DLGAP2: variants seen among roughly 807,000 people sequenced by gnomAD.
The protein encoded by DLGAP2 is DLG associated protein 2.
Under a neutral mutation model 100.3 loss-of-function variants are expected in DLGAP2, and 26 were observed. The observed-to-expected ratio is 0.26, with a 90% confidence interval of 0.19 to 0.36. The LOEUF (loss-of-function observed/expected upper bound fraction) is 0.36, where lower values mean the gene tolerates loss of function less well. Ranked by LOEUF, DLGAP2 falls within the 10% of genes least tolerant of loss-of-function variation. The pLI, the probability that DLGAP2 is intolerant of heterozygous loss-of-function variation, is 1.00. For synonymous variants in DLGAP2, 886 were observed against 630.1 expected, an observed-to-expected ratio of 1.41 and a Z score of -6.08; for missense variants, 1,858 against 1,453.2, an observed-to-expected ratio of 1.28 and a Z score of -4.53.
chr8:1,292,945 G>A (rs1433739964), intron 3 of DLGAP2, among the ~76,000 whole-genome samples: 1 of 152,090 alleles, frequency 6.6e-6, no homozygotes, highest in Non-Finnish European at 1.5e-5. Flanking sequence ...CCTGCATTAG[G>A]ACCCTGGGCG....
chr8:753,046 C>G (rs1820832043), intron 1 of DLGAP2, among the ~76,000 whole-genome samples: 1 of 152,192 alleles, frequency 6.6e-6, no homozygotes, highest in Admixed American at 6.5e-5. Context: ...TGTCTTTTAA[C>G]TTGGTGTATT....
chr8:1,589,933 A>G (rs556094814), intron 6 of DLGAP2, among the ~76,000 whole-genome samples: 41 of 152,300 alleles, frequency 2.7e-4, no homozygotes, highest in African/African-American at 9.4e-4. Context: ...ACAAAGTACC[A>G]CACACAGCGT....
intron 3 of DLGAP2, among the ~76,000 whole-genome samples, chr8:1,388,036 A>C (rs987794821): frequency 3.9e-5 from 6 of 152,252 alleles, no homozygotes; most frequent in Admixed American, 3.3e-4. Flanking sequence ...ACGTGGATGC[A>C]GCCAGTGCGT....
intron 2 of DLGAP2, among the ~76,000 whole-genome samples, chr8:1,052,187 C>T (rs1292920930): frequency 2.0e-5 from 3 of 152,180 alleles, no homozygotes; most frequent in African/African-American, 7.2e-5. Context: ...CCTTCCTGGG[C>T]CTGCCTCTGA....
intron 3 of DLGAP2, among the ~76,000 whole-genome samples, chr8:1,321,574 C>T (rs1201420551): frequency 2.0e-5 from 3 of 152,212 alleles, no homozygotes; most frequent in African/African-American, 7.2e-5. Context: ...TCCTCCACAG[C>T]TCACAGGAAT....
At chr8:1,087,859 A>C (rs2129040836) in intron 2 of DLGAP2, among the ~76,000 whole-genome samples, 1 of 152,280 alleles carries the variant, frequency 6.6e-6, no homozygotes, top group African/African-American at 2.4e-5. Flanking sequence ...CACAGTGCAA[A>C]GCTCTGGATC....
chr8:1,683,289 G>A (rs1443800690), intron 12 of DLGAP2, among the ~76,000 whole-genome samples: 1 of 151,560 alleles, frequency 6.6e-6, no homozygotes, highest in Non-Finnish European at 1.5e-5. Context: ...TCAAGGTGGT[G>A]GATGGTGGTG....
intron 1 of DLGAP2, among the ~76,000 whole-genome samples, chr8:887,425 T>G (rs2128994842): frequency 6.6e-6 from 1 of 152,310 alleles, no homozygotes; most frequent in Middle Eastern, 3.4e-3. Context: ...ATGATACTAT[T>G]TGGTTATTTT....
At chr8:1,106,762 A>T (rs1406021473) in intron 2 of DLGAP2, among the ~76,000 whole-genome samples, 1 of 151,828 alleles carries the variant, frequency 6.6e-6, no homozygotes, top group Non-Finnish European at 1.5e-5. Context: ...GAAGGGAGCC[A>T]TTCTAGGAGG....
At chr8:956,761 C>G (rs1799607196) in intron 2 of DLGAP2, among the ~76,000 whole-genome samples, 1 of 152,208 alleles carries the variant, frequency 6.6e-6, no homozygotes, top group Non-Finnish European at 1.5e-5. Context: ...TGAGGTCTAA[C>G]CATGATTCAG....
chr8:1,448,767 C>T (rs1002608858), intron 3 of DLGAP2, among the ~76,000 whole-genome samples: 4 of 152,132 alleles, frequency 2.6e-5, no homozygotes, highest in South Asian at 2.1e-4. Context: ...TCTGCATTCC[C>T]GTTCCCCTCA....
At chr8:1,010,687 G>C (rs1397197879) in intron 2 of DLGAP2, among the ~76,000 whole-genome samples, 2 of 152,228 alleles carry the variant, frequency 1.3e-5, no homozygotes, top group African/African-American at 4.8e-5. Context: ...TGTCATTTCA[G>C]GAACCTAAGA....
rs1299212463 is a variant in DLGAP2, at chr8:1,703,601, C to G, written c.*2195C>G. On this transcript the variant is annotated 3_prime_UTR_variant, in exon 15 of 15. Transcript: ENST00000637795. ...TAATGTGGATAAAGGCCCGCCACCT[C>G]CTCACATTGGTCTATCTACTGGCAG... The G allele has an allele frequency of 6.6e-6, 1 of 152,212 alleles. No individual in the cohort carries two copies. Among genetic ancestry groups the G allele is most frequent in the Non-Finnish European group, 1.5e-5 (1 of 68,034 alleles). 9.4% of individuals were successfully genotyped at this position (152,212 alleles called of 1,614,324 possible).
chr8:866,792 C>G (rs907601354), intron 1 of DLGAP2, among the ~76,000 whole-genome samples: 6 of 152,212 alleles, frequency 3.9e-5, no homozygotes, highest in African/African-American at 1.4e-4. Context: ...TTCTATGACT[C>G]AGACTGGGAT....
At chr8:1,212,058 C>T (rs1057168876) in intron 2 of DLGAP2, among the ~76,000 whole-genome samples, 3 of 152,106 alleles carry the variant, frequency 2.0e-5, no homozygotes, top group Non-Finnish European at 4.4e-5. Context: ...AGTGGGCACA[C>T]AATTATTTTA....
At chr8:1,022,836 C>T (rs1162855562) in intron 2 of DLGAP2, among the ~76,000 whole-genome samples, 1 of 152,180 alleles carries the variant, frequency 6.6e-6, no homozygotes, top group Admixed American at 6.5e-5. Context: ...GGTTCCGTGC[C>T]GAGGTAGACA....
intron 2 of DLGAP2, among the ~76,000 whole-genome samples, chr8:982,747 C>G (rs554900204): frequency 1.3e-5 from 2 of 152,104 alleles, no homozygotes; most frequent in Admixed American, 6.5e-5. Context: ...GCACTGTGCT[C>G]GGACCTAAAG....
rs143332905 is a variant in DLGAP2 at position 1,510,586 on chromosome 8, C to T, written c.172+9155C>T. On this transcript the variant is annotated intron_variant, in intron 4 of 14. Transcript: ENST00000637795. ...GCGTGGGCTCCCTGCGTTCTGGTGCCTTGGTCAATATGCTTAACGCCACAG... is the reference window on the plus strand; with the variant it reads ...GCGTGGGCTCCCTGCGTTCTGGTGCTTTGGTCAATATGCTTAACGCCACAG... 2.0e-5 allele frequency among the ~76,000 whole-genome samples: 3 copies of T among 152,218 alleles called. 1 individual carries two copies. The highest frequency in any genetic ancestry group is 2.0e-4 in the Admixed American group (3 of 15,282).
chr8:1,059,712 C>A (rs981446504), intron 2 of DLGAP2, among the ~76,000 whole-genome samples: 1 of 152,082 alleles, frequency 6.6e-6, no homozygotes, highest in Admixed American at 6.5e-5. Flanking sequence ...GCCCTCTTTG[C>A]TGTGGGAAGG....
Sources: allele counts gnomAD v4.1 joint callset (sites outside exome capture counted in the v4.1 genomes callset), GRCh38; gene constraint gnomAD v4.1.1; transcripts MANE v1.5; gene names NCBI Gene and HGNC (gene_info 2026-07-23, HGNC 2026-07-21).